Variants in CRTAC1 observed in about 807,000 individuals in gnomAD.
CRTAC1 encodes the protein cartilage acidic protein 1, also known as acidic secreted protein in cartilage.
In CRTAC1, 37 loss-of-function variants were observed where a neutral mutation model predicts 67.8. The ratio of observed to expected loss-of-function variants is 0.55; its 90% CI spans 0.42 to 0.72. The LOEUF is 0.72. Ranked by LOEUF, CRTAC1 falls within the 30% of genes least tolerant of loss-of-function variation. CRTAC1 has a pLI of 0.00. For missense variants in CRTAC1, 780 were observed against 931.6 expected, an observed-to-expected ratio of 0.84 and a Z score of 2.12; for synonymous variants, 348 against 371.0, an observed-to-expected ratio of 0.94 and a Z score of 0.71.
chr10:97,973,115 T>C (rs1300712993), intron 2 of CRTAC1, among the ~76,000 whole-genome samples: 2 of 152,246 alleles, frequency 1.3e-5, no homozygotes, highest in Admixed American at 6.5e-5. Context: ...TGTATATTTC[T>C]TTCTAATTTT....
At chr10:97,921,441 C>T (rs1342047791) in intron 4 of CRTAC1, among the ~76,000 whole-genome samples, 1 of 152,206 alleles carries the variant, frequency 6.6e-6, no homozygotes, top group Non-Finnish European at 1.5e-5. Flanking sequence ...TTGCCTGTTG[C>T]CTCATGTGTG....
chr10:98,016,584 G>C (rs1186189485), intron 1 of CRTAC1, among the ~76,000 whole-genome samples: 16 of 152,128 alleles, frequency 1.1e-4, no homozygotes, highest in Admixed American at 1.0e-3. Context: ...AACCCTAGCT[G>C]CCCAACAGAA....
chr10:97,866,116 A>G (rs1439384129), intron 14 of CRTAC1: 3 of 175,164 alleles, frequency 1.7e-5, no homozygotes, highest in Non-Finnish European at 3.6e-5. Flanking sequence ...CATATCCACC[A>G]GGACTCTTTC....
intron 13 of CRTAC1, among the ~76,000 whole-genome samples, chr10:97,881,606 C>A (rs774937205): frequency 6.6e-6 from 1 of 152,116 alleles, no homozygotes; most frequent in Admixed American, 6.5e-5. Flanking sequence ...GCCTGTTGGG[C>A]GATGAAAAGG....
chr10:98,005,100 A>ATTTTTTTTTTT lies in CRTAC1; in HGVS notation c.224+6027_224+6037dup, dbSNP rs10683960. Among the ~76,000 whole-genome samples, 170 of 48,884 alleles carry ATTTTTTTTTTT rather than the reference A, an allele frequency of 3.5e-3. 22 individuals carry two copies. Among genetic ancestry groups the ATTTTTTTTTTT allele is most frequent in the African/African-American group, 0.012 (104 of 8,688 alleles). 32.1% of individuals were successfully genotyped at this position (48,884 alleles called of 152,430 possible). ...GTAATACATATATATATATATATAT[A>ATTTTTTTTTTT]TTTTTTTTTTTTTTTTTTTTTGAGA... is the stretch of plus-strand genomic sequence containing the variant. On this transcript the variant is annotated intron_variant, in intron 2 of 14. Transcript: ENST00000370597.
chr10:97,906,280 C>A (rs2050610788), intron 6 of CRTAC1, among the ~76,000 whole-genome samples: 1 of 152,196 alleles, frequency 6.6e-6, no homozygotes, highest in African/African-American at 2.4e-5. Context: ...CTGCCAAACT[C>A]CTCGGCCCAA....
At chr10:97,938,144 C>T (rs2051119146) in intron 2 of CRTAC1, among the ~76,000 whole-genome samples, 1 of 152,154 alleles carries the variant, frequency 6.6e-6, no homozygotes, top group Non-Finnish European at 1.5e-5. Flanking sequence ...GATGGAAGGT[C>T]ATGCCTTAGA....
chr10:97,970,830 A>C (rs1035777285), intron 2 of CRTAC1, among the ~76,000 whole-genome samples: 1 of 152,248 alleles, frequency 6.6e-6, no homozygotes, highest in Non-Finnish European at 1.5e-5. Flanking sequence ...GGGCAGTGCT[A>C]CAAGAATGTC....
At chr10:97,961,502 GAAA>G (rs2136642561) in intron 2 of CRTAC1, among the ~76,000 whole-genome samples, 1 of 152,218 alleles carries the variant, frequency 6.6e-6, no homozygotes, top group Admixed American at 6.5e-5. Context: ...AGCTATATTA[GAAA>G]ACACAAATTA....
intron 2 of CRTAC1, among the ~76,000 whole-genome samples, chr10:98,001,973 T>C (rs1416171161): frequency 6.6e-6 from 1 of 151,878 alleles, no homozygotes; most frequent in African/African-American, 2.4e-5. Context: ...AGAGTGGGAG[T>C]TGCGTATATT....
At chr10:97,913,599 A>C (rs75358151) in intron 5 of CRTAC1, among the ~76,000 whole-genome samples, 6,210 of 152,250 alleles carry the variant, frequency 0.041, 416 homozygotes, top group African/African-American at 0.14. Flanking sequence ...AAAGAAACGC[A>C]ATGTTCCCCC....
At position 97,996,119 on chromosome 10, in the gene CRTAC1, C is replaced by T. The variant is rs534395325; in HGVS notation, c.224+15019G>A. ...AAAGACTTAAACGTTAGACCTAAAA[C>T]CATAAAAACCCTAGAAGAAAACCTA... On this transcript the variant is annotated intron_variant, in intron 2 of 14. Coordinates refer to ENST00000370597, the MANE Select transcript of CRTAC1 (RefSeq NM_018058.7). Among the ~76,000 whole-genome samples the T allele has an allele frequency of 1.4e-4, 22 of 151,758 alleles. No individual in the cohort carries two copies. In the South Asian group the frequency reaches 2.9e-3, roughly 20 times the overall value.
chr10:98,027,098 C>T (rs2136711627), intron 1 of CRTAC1, among the ~76,000 whole-genome samples: 1 of 150,730 alleles, frequency 6.6e-6, no homozygotes, highest in South Asian at 2.1e-4. Flanking sequence ...ACCCGGGAGG[C>T]GGAGCTTGCA....
intron 5 of CRTAC1, among the ~76,000 whole-genome samples, chr10:97,912,438 A>G (rs532696178): frequency 6.6e-6 from 1 of 152,248 alleles, no homozygotes; most frequent in Non-Finnish European, 1.5e-5. Context: ...TGGCACTCTG[A>G]TGATCTGTTC....
chr10:97,904,939 T>A, intron 6 of CRTAC1, 125 bp from the exon 7 acceptor site: 1 of 1,141,392 alleles, frequency 8.8e-7, no homozygotes, highest in Non-Finnish European at 1.2e-6. Flanking sequence ...CGGGAGGAGA[T>A]ACGGGAGACA....
At chr10:97,903,975 G>C (rs1382992827) in intron 7 of CRTAC1, among the ~76,000 whole-genome samples, 1 of 151,864 alleles carries the variant, frequency 6.6e-6, no homozygotes, top group Non-Finnish European at 1.5e-5. Flanking sequence ...TGGTTTGAAC[G>C]TCAGTCTGAA....
chr10:97,955,610 C>T (rs2051427475), intron 2 of CRTAC1, among the ~76,000 whole-genome samples: 1 of 152,154 alleles, frequency 6.6e-6, no homozygotes, highest in Non-Finnish European at 1.5e-5. Context: ...CTCTACTGAC[C>T]AGTTCCCTTA....
chr10:98,007,044 A>G (rs1432834206), intron 2 of CRTAC1, among the ~76,000 whole-genome samples: 2 of 152,260 alleles, frequency 1.3e-5, no homozygotes, highest in Non-Finnish European at 2.9e-5. Context: ...CAGTGATCCT[A>G]GCTTTCATTG....
chr10:97,865,354 G>A lies in CRTAC1; in HGVS notation c.*194C>T. The A allele has an allele frequency of 3.3e-6, 2 of 604,840 alleles. No homozygotes were observed. Among genetic ancestry groups the A allele is most frequent in the Non-Finnish European group, 5.3e-6 (2 of 375,044 alleles). The allele number at this position is 604,840 out of a possible 1,614,324, so 37.5% of individuals were successfully genotyped here. A position where few individuals can be genotyped will look rare whatever the true frequency, so the allele number is the denominator to read the frequency against. ...TCAGGGCAGCGACCCTGTCTGCTGT[G>A]ATCACAGCTATGTGCCCAGCACAGG... On this transcript the variant is annotated 3_prime_UTR_variant, in exon 15 of 15. Coordinates refer to ENST00000370597, the MANE Select transcript of CRTAC1 (RefSeq NM_018058.7).
Sources: gnomAD v4.1 joint callset for allele counts (sites outside exome capture counted in the v4.1 genomes callset) on GRCh38, gnomAD v4.1.1 for gene constraint, MANE v1.5 for transcripts, NCBI Gene and HGNC (gene_info 2026-07-23, HGNC 2026-07-21) for gene names.